The following EPB41 variants were observed in gnomAD, a reference collection of about 807,000 sequenced individuals.
EPB41 encodes protein 4.1.
In EPB41, 65 loss-of-function variants were observed where a neutral mutation model predicts 108.0. The ratio of observed to expected loss-of-function variants is 0.60; its 90% CI spans 0.49 to 0.74. The LOEUF (loss-of-function observed/expected upper bound fraction) is 0.74, where lower values mean the gene tolerates loss of function less well. Ranked by LOEUF, EPB41 falls within the 30% of genes least tolerant of loss-of-function variation. The pLI is 0.00. For missense variants in EPB41, 875 were observed against 1,037.0 expected, an observed-to-expected ratio of 0.84 and a Z score of 2.15; for synonymous variants, 336 against 358.9, an observed-to-expected ratio of 0.94 and a Z score of 0.72.
intron 1 of EPB41, among the ~76,000 whole-genome samples, chr1:28,934,208 A>G (rs549950961): frequency 6.6e-6 from 1 of 152,256 alleles, no homozygotes; most frequent in East Asian, 1.9e-4. Flanking sequence ...TAGACTTGAT[A>G]ATGTGTTTTT....
rs1553168191 is a variant in EPB41 at position 28,924,964 on chromosome 1, C to CA, written c.-8+10196_-8+10197insA. 8.8e-4 allele frequency among the ~76,000 whole-genome samples: 113 copies of CA among 128,312 alleles called. 2 individuals carry two copies. The highest frequency in any genetic ancestry group is 8.5e-3 in the Middle Eastern group (2 of 236). 84.2% of individuals were successfully genotyped at this position (128,312 alleles called of 152,430 possible). On this transcript the variant is annotated intron_variant, in intron 1 of 20. Transcript: ENST00000343067. ...GGCACACACCACTATGCCTGGCTAA[C>CA]TTTTTTTTTTTTTTTTTTTGAGATG...
chr1:29,082,433 CTG>C (rs1258440323), intron 16 of EPB41, among the ~76,000 whole-genome samples: 13 of 152,142 alleles, frequency 8.5e-5, no homozygotes, highest in Non-Finnish European at 1.3e-4. Flanking sequence ...CTCAAGGTAA[CTG>C]TTTTCTAGAT....
intron 16 of EPB41, 178 bp from the exon 17 acceptor site, chr1:29,097,629 C>T (rs1663678274): frequency 1.5e-6 from 1 of 673,602 alleles, no homozygotes; most frequent in Non-Finnish European, 2.6e-6. Context: ...CATGATTTGA[C>T]ACCTTGTCAG....
intron 1 of EPB41, among the ~76,000 whole-genome samples, chr1:28,897,575 A>T (rs1414605551): frequency 2.3e-5 from 3 of 129,930 alleles, no homozygotes; most frequent in Non-Finnish European, 4.8e-5. Context: ...GTAGGAAGGG[A>T]AGGGAAGCGG....
intron 2 of EPB41, among the ~76,000 whole-genome samples, chr1:28,989,778 A>G (rs1158601865): frequency 2.6e-5 from 4 of 152,200 alleles, no homozygotes; most frequent in African/African-American, 7.2e-5. Context: ...AATGGGGATA[A>G]TAATATCCAC....
chr1:29,049,854 C>A (rs1644184927), intron 11 of EPB41, among the ~76,000 whole-genome samples: 2 of 152,032 alleles, frequency 1.3e-5, no homozygotes, highest in African/African-American at 4.8e-5. Flanking sequence ...TATATATGCA[C>A]CAAAATCTTG....
chr1:29,045,807 T>TAA (rs201526339), intron 11 of EPB41, among the ~76,000 whole-genome samples: 4 of 103,764 alleles, frequency 3.9e-5, no homozygotes, highest in Non-Finnish European at 7.9e-5. Flanking sequence ...ACCCTGTCTC[T>TAA]AAAAAAAAAA....
intron 16 of EPB41, among the ~76,000 whole-genome samples, chr1:29,067,850 A>G (rs1478112869): frequency 6.6e-6 from 1 of 152,046 alleles, no homozygotes; most frequent in Non-Finnish European, 1.5e-5. Context: ...TTTCCTACTC[A>G]CTGTCCTCTC....
At chr1:28,901,444 C>T (rs1206435229) in intron 1 of EPB41, among the ~76,000 whole-genome samples, 2 of 151,354 alleles carry the variant, frequency 1.3e-5, no homozygotes, top group African/African-American at 4.9e-5. Flanking sequence ...AGGGTGGTCT[C>T]GATCTCTTGA....
chr1:29,053,010 T>C, intron 11 of EPB41, 94 bp from the exon 12 acceptor site: 1 of 1,317,526 alleles, frequency 7.6e-7, no homozygotes, highest in Non-Finnish European at 1.1e-6. Flanking sequence ...CATTCGTGTG[T>C]ATCCTGGATT....
chr1:28,947,576 G>A (rs776923211), intron 1 of EPB41, among the ~76,000 whole-genome samples: 2 of 151,956 alleles, frequency 1.3e-5, no homozygotes, highest in Non-Finnish European at 2.9e-5. Flanking sequence ...CTTATAACCC[G>A]AGCACTTTAG....
At chr1:29,012,097 T>G (rs1321140638) in intron 5 of EPB41, among the ~76,000 whole-genome samples, 190 bp downstream of exon 5, 1 of 152,090 alleles carries the variant, frequency 6.6e-6, no homozygotes, top group Non-Finnish European at 1.5e-5. Context: ...GTGGATACTA[T>G]TGAGATGTAG....
rs995577506 is a variant in EPB41, at chr1:28,990,653, G to A, written c.469-2677G>A. ...AGGCTGGTCTTGAACTCCTGAACTC[G>A]AGCAATCCTTCTGCCTCAGCCTTCC... On this transcript the variant is annotated intron_variant, in intron 2 of 20. Transcript: ENST00000343067. 4.6e-5 allele frequency among the ~76,000 whole-genome samples: 7 copies of A among 151,862 alleles called. 1 individual carries two copies. The highest frequency in any genetic ancestry group is 6.8e-3 in the Middle Eastern group (2 of 294).
intron 1 of EPB41, among the ~76,000 whole-genome samples, chr1:28,922,774 T>G (rs912789596): frequency 6.6e-6 from 1 of 151,956 alleles, no homozygotes; most frequent in Non-Finnish European, 1.5e-5. Flanking sequence ...ACTATAGGTG[T>G]GTGCTACCAT....
chr1:29,065,099 T>C lies in EPB41; in HGVS notation c.2125T>C (p.Ser709Pro), dbSNP rs1446573787. ...GCCTAGTGAATGGGATAAACGCTTA[T>C]CCACTCACTCACCCTTCCGAACTCT... ...PRPSEWDKRL[S>P]THSPFRTLNI... The change falls in exon 16 of 21, where the codon TCC becomes CCC. Residue 709 changes from serine (S) to proline (P), a missense_variant. Ser to Pro is a moderately conservative substitution (Grantham distance 74, BLOSUM62 -1). Around this residue, in one of 3 missense-constraint regions of EPB41, gnomAD observed 519 missense variants for 627.3 expected, o/e 0.83. Transcript: ENST00000343067. 6.2e-7 allele frequency: 1 copy of C among 1,614,110 alleles called. No homozygotes were observed. The highest frequency in any genetic ancestry group is 8.5e-7 in the Non-Finnish European group (1 of 1,179,962).
intron 1 of EPB41, among the ~76,000 whole-genome samples, chr1:28,922,578 G>T (rs950656731): frequency 6.6e-6 from 1 of 150,880 alleles, no homozygotes; most frequent in African/African-American, 2.4e-5. Flanking sequence ...GACTACAGGT[G>T]CATGCCACCG....
rs1184594858 is a variant in EPB41, at chr1:28,929,521, C to T, written c.-8+14753C>T. Among the ~76,000 whole-genome samples, 13 of 151,348 alleles carry T rather than the reference C, an allele frequency of 8.6e-5. No individual in the cohort carries two copies. In the East Asian group the frequency reaches 9.7e-4, roughly 11 times the overall value. On this transcript the variant is annotated intron_variant, in intron 1 of 20. Transcript: ENST00000343067. ...CTGGGATTACAGGCGTGAGCCACTGCGCCCGGCCAATTTTTACTATTTTTT... is the reference window on the plus strand; with the variant it reads ...CTGGGATTACAGGCGTGAGCCACTGTGCCCGGCCAATTTTTACTATTTTTT...
Position 28,970,167 on chromosome 1 carries a change from A to G in EPB41, c.-7-17264A>G, listed in dbSNP as rs1374657820. On this transcript the variant is annotated intron_variant, in intron 1 of 20. Coordinates refer to ENST00000343067, the MANE Select transcript of EPB41 (RefSeq NM_001376013.1). ...AGTATTATATTTTCTGGTGGCCTGT[A>G]GTATATTTTTCATACTTAACAATGG... Among the ~76,000 whole-genome samples, 7 of 152,168 alleles carry G rather than the reference A, an allele frequency of 4.6e-5. No homozygotes were observed. The East Asian group carries it at 1.3e-3, about 29-fold the overall frequency.
At chr1:28,969,855 C>T (rs1362566746) in intron 1 of EPB41, among the ~76,000 whole-genome samples, 1 of 152,122 alleles carries the variant, frequency 6.6e-6, no homozygotes, top group East Asian at 1.9e-4. Flanking sequence ...GAGCCAAGAT[C>T]GTGCCGCTGT....
Sources: allele counts gnomAD v4.1 joint callset (sites outside exome capture counted in the v4.1 genomes callset), GRCh38; gene constraint gnomAD v4.1.1; regional missense constraint gnomAD v4.1.1; transcripts MANE v1.5; gene names NCBI Gene and HGNC (gene_info 2026-07-23, HGNC 2026-07-21).